Variants in RAP1GAP observed in about 807,000 individuals in gnomAD.
RAP1GAP encodes RAP1 GTPase activating protein, also known as rap1 GTPase-activating protein 1.
RAP1GAP carries 35 observed loss-of-function variants against 87.2 expected under a neutral mutation model. The ratio of observed to expected loss-of-function variants is 0.40; its 90% CI spans 0.31 to 0.53. RAP1GAP has a LOEUF of 0.53. Ranked by LOEUF, RAP1GAP falls within the 20% of genes least tolerant of loss-of-function variation. The probability of loss-of-function intolerance (pLI) is 0.48; values close to 1 mark genes in which losing one functional copy is unlikely to be tolerated. For synonymous variants in RAP1GAP, 375 were observed against 363.9 expected, an observed-to-expected ratio of 1.03 and a Z score of -0.35; for missense variants, 734 against 898.9, an observed-to-expected ratio of 0.82 and a Z score of 2.35.
chr1:21,663,334 G>A (rs949552911), intron 1 of RAP1GAP, among the ~76,000 whole-genome samples: 1 of 152,212 alleles, frequency 6.6e-6, no homozygotes, highest in African/African-American at 2.4e-5. Flanking sequence ...TGAGCCTGCT[G>A]CCCGGGTGGG....
intron 17 of RAP1GAP, 100 bp downstream of exon 17, chr1:21,608,113 T>G: frequency 6.7e-7 from 1 of 1,490,592 alleles, no homozygotes; most frequent in Non-Finnish European, 9.0e-7. Flanking sequence ...TCTGCCAGAC[T>G]CCACCCCCAC....
In RAP1GAP at chr1:21,624,881, G is replaced by T. The variant is rs1170790860; in HGVS notation, c.-19+1423C>A. Among the ~76,000 whole-genome samples, 2 of 152,068 alleles carry T rather than the reference G, an allele frequency of 1.3e-5. 1 individual carries two copies. The highest frequency in any genetic ancestry group is 4.8e-5 in the African/African-American group (2 of 41,400). ...CTCGTCTCCTGATGGGAAGACTGAG[G>T]CCCAGGGAGGGGAAGCTGTGGTCCG... is the stretch of plus-strand genomic sequence containing the variant. On this transcript the variant is annotated intron_variant, in intron 3 of 24. Transcript: ENST00000374765.
At chr1:21,653,566 TCCTTCCTTCCTTCCTTCCTTCCTTCCTC>T (rs1159769947) in intron 1 of RAP1GAP, among the ~76,000 whole-genome samples, 2 of 129,324 alleles carry the variant, frequency 1.5e-5, no homozygotes, top group South Asian at 2.6e-4. Context: ...CTTCCTTCCT[TCCTTCCTTCCTTCCTTCCTTCCTTCCTC>T]CCTCCCTCCC....
Position 21,610,177 on chromosome 1 carries a change from C to T in RAP1GAP, c.942G>A (p.Leu314=). 2 of 1,614,180 alleles carry T rather than the reference C, an allele frequency of 1.2e-6. No individual in the cohort carries two copies. The highest frequency in any genetic ancestry group is 2.2e-5 in the South Asian group (2 of 91,088). The change falls in exon 14 of 25, where the codon CTG becomes CTA. Residue 314 remains leucine, a synonymous_variant. Transcript: ENST00000374765. Reference sequence around the variant, plus strand: ...CAGCCTGCACCACGACGTAGGCATGCAGGAAGTTGGACGCGATCATGTCGG... The same window carrying T: ...CAGCCTGCACCACGACGTAGGCATGTAGGAAGTTGGACGCGATCATGTCGG... The part of the protein sequence containing the change: ...FVPDMIASNF[L]HAYVVVQAEG...
chr1:21,659,515 G>C (rs1172033335), intron 1 of RAP1GAP, among the ~76,000 whole-genome samples: 1 of 151,904 alleles, frequency 6.6e-6, no homozygotes, highest in Non-Finnish European at 1.5e-5. Flanking sequence ...GCTCACAAGG[G>C]CGCACCTGCG....
intron 17 of RAP1GAP, among the ~76,000 whole-genome samples, chr1:21,607,380 A>T (rs946242467): frequency 6.6e-6 from 1 of 152,268 alleles, no homozygotes; most frequent in Non-Finnish European, 1.5e-5. Flanking sequence ...CCATTACCCT[A>T]CTCAACAGAT....
In RAP1GAP at chr1:21,609,368, TGTAGTTTATCCTGTGACCTTGTG is replaced by T. The variant is rs1182806467; in HGVS notation, c.1071+184_1071+206del. Among the ~76,000 whole-genome samples, 7 of 149,802 alleles carry T rather than the reference TGTAGTTTATCCTGTGACCTTGTG, an allele frequency of 4.7e-5. No individual in the cohort carries two copies. In the East Asian group the frequency reaches 1.4e-3, roughly 29 times the overall value. On this transcript the variant is annotated intron_variant, in intron 15 of 24. Coordinates refer to ENST00000374765, the MANE Select transcript of RAP1GAP (RefSeq NM_002885.4). This position sits in a 1 kb window ranked among gnomAD's most constrained non-coding sequence, Gnocchi z 4.4. ...TACTATGGAAAGTGTAAAACAATCG[TGTAGTTTATCCTGTGACCTTGTG>T]AAAAAAAAAAAAAAGGTGTTTTCAA...
At chr1:21,612,299 C>T (rs1253013079) in intron 10 of RAP1GAP, among the ~76,000 whole-genome samples, 190 bp from the exon 11 acceptor site, 1 of 152,174 alleles carries the variant, frequency 6.6e-6, no homozygotes. Context: ...AAGTGACTCA[C>T]CTAGGGTCAA....
At chr1:21,602,104 CCA>C (rs1037384964) in intron 19 of RAP1GAP, among the ~76,000 whole-genome samples, 2 of 152,198 alleles carry the variant, frequency 1.3e-5, no homozygotes, top group Non-Finnish European at 2.9e-5. Context: ...CGTGGCAGTG[CCA>C]AGACCTGAAC....
Position 21,603,577 on chromosome 1 carries a change from G to A in RAP1GAP, c.1429-664C>T. ...GTAGGGCCTTTGGGTACCGGATCCT[G>A]GCAGGGACTGGGCCAGGGTCCCAGG... is the stretch of plus-strand genomic sequence containing the variant. On this transcript the variant is annotated intron_variant, in intron 18 of 24. Coordinates refer to ENST00000374765, the MANE Select transcript of RAP1GAP (RefSeq NM_002885.4). This position sits in a 1 kb window ranked among gnomAD's most constrained non-coding sequence, Gnocchi z 6.0. 1.5e-6 allele frequency: 1 copy of A among 645,538 alleles called. No individual in the cohort carries two copies. Among genetic ancestry groups the A allele is most frequent in the Non-Finnish European group, 2.8e-6 (1 of 357,232 alleles). 40.0% of individuals were successfully genotyped at this position (645,538 alleles called of 1,614,324 possible). A position where few individuals can be genotyped will look rare whatever the true frequency, so the allele number is the denominator to read the frequency against.
intron 21 of RAP1GAP, among the ~76,000 whole-genome samples, chr1:21,599,249 C>T (rs1195890676): frequency 6.6e-6 from 1 of 152,176 alleles, no homozygotes; most frequent in Non-Finnish European, 1.5e-5. Context: ...AGAGAGGAGA[C>T]TAGAGAGGAA....
intron 18 of RAP1GAP, among the ~76,000 whole-genome samples, chr1:21,605,654 A>G (rs1193913456): frequency 6.6e-6 from 1 of 151,828 alleles, no homozygotes; most frequent in Non-Finnish European, 1.5e-5. Flanking sequence ...GGGTGCCCAC[A>G]GCCCGACACA....
intron 2 of RAP1GAP, among the ~76,000 whole-genome samples, chr1:21,649,015 G>A (rs1407406708): frequency 2.6e-5 from 4 of 152,108 alleles, no homozygotes; most frequent in African/African-American, 7.2e-5. Flanking sequence ...CAGAGCCGTC[G>A]GGGGGCTCTC....
In RAP1GAP at chr1:21,669,351, G is replaced by T. The variant is rs1489110852; in HGVS notation, c.-246C>A. The T allele has an allele frequency of 8.5e-6, 9 of 1,063,726 alleles. No homozygotes were observed. Among genetic ancestry groups the T allele is most frequent in the African/African-American group, 1.7e-5 (1 of 57,576 alleles). 65.9% of individuals were successfully genotyped at this position (1,063,726 alleles called of 1,614,324 possible). ...GATGCGGCCGGCGCTCGCCGCCGCC[G>T]CAGTTCGGGGAGGGGGACGTCACAT... On this transcript the variant is annotated 5_prime_UTR_variant, in exon 1 of 25. Coordinates refer to ENST00000374765, the MANE Select transcript of RAP1GAP (RefSeq NM_002885.4). The surrounding 1 kb of genome is among the most constrained non-coding windows in gnomAD (Gnocchi z 5.6).
intron 2 of RAP1GAP, among the ~76,000 whole-genome samples, chr1:21,640,920 G>A (rs780715526): frequency 6.6e-6 from 1 of 152,052 alleles, no homozygotes; most frequent in Non-Finnish European, 1.5e-5. Context: ...TTTTTTGTGT[G>A]TGTGTGGGAT....
intron 2 of RAP1GAP, among the ~76,000 whole-genome samples, chr1:21,628,266 C>T (rs1029859808): frequency 1.8e-4 from 27 of 151,854 alleles, no homozygotes; most frequent in Non-Finnish European, 2.9e-4. Context: ...AAATAGTTAC[C>T]GGCAGGCTGG....
intron 2 of RAP1GAP, among the ~76,000 whole-genome samples, chr1:21,631,173 C>T (rs116503681): frequency 0.026 from 3,931 of 152,266 alleles, 80 homozygotes; most frequent in Non-Finnish European, 0.035. Context: ...TATCCCTTCC[C>T]CACGTCTCCA....
chr1:21,612,500 C>T (rs1398043492), intron 10 of RAP1GAP, among the ~76,000 whole-genome samples: 1 of 152,178 alleles, frequency 6.6e-6, no homozygotes, highest in African/African-American at 2.4e-5. Context: ...GAACAGGACA[C>T]GTCCCACCAA....
intron 6 of RAP1GAP, 60 bp from the exon 7 acceptor site, chr1:21,617,551 A>C (rs1570753916): frequency 6.6e-7 from 1 of 1,516,654 alleles, no homozygotes; most frequent in Non-Finnish European, 8.9e-7. Context: ...GCCCCAGGAC[A>C]CCCTCCCAAC....
Sources: gnomAD v4.1 joint callset for allele counts (sites outside exome capture counted in the v4.1 genomes callset) on GRCh38, gnomAD v4.1.1 for gene constraint, Gnocchi (gnomAD v3.1) non-coding constraint, MANE v1.5 for transcripts, NCBI Gene and HGNC (gene_info 2026-07-23, HGNC 2026-07-21) for gene names.